The following RPS6KA6 variants were observed in gnomAD, a reference collection of about 807,000 sequenced individuals.
RPS6KA6 encodes ribosomal protein S6 kinase alpha-6.
A neutral mutation model predicts 65.4 loss-of-function variants in RPS6KA6; 27 were observed. That is an observed-to-expected ratio of 0.41 (90% confidence interval 0.30 to 0.57). The LOEUF is 0.57. RPS6KA6 is among the 20% of genes least tolerant of loss of function. The probability of loss-of-function intolerance (pLI) is 0.24; values close to 1 mark genes in which losing one functional copy is unlikely to be tolerated. For missense variants in RPS6KA6, 486 were observed against 555.6 expected, an observed-to-expected ratio of 0.87 and a Z score of 1.26; for synonymous variants, 190 against 184.2, an observed-to-expected ratio of 1.03 and a Z score of -0.26.
rs746652503 is a variant in RPS6KA6, at chrX:84,187,867, C to T, written c.33G>A (p.Trp11Ter). 2.5e-6 allele frequency: 3 copies of T among 1,203,351 alleles called. No individual in the cohort carries two copies. Among genetic ancestry groups the T allele is most frequent in the African/African-American group, 3.5e-5 (2 of 56,901 alleles). ...CGCTGAACACTTCCATTTCTCGGTC[C>T]CAGGGCTCGTCCTGAGGAGCGAATG... is the stretch of plus-strand genomic sequence containing the variant. The part of the protein sequence containing the change: MLPFAPQDEP[W>*]DREMEVFSGG... Residue 11 changes from tryptophan (W) to a stop codon, truncating the protein, a stop_gained, in exon 1 of 22, where the codon TGG becomes TGA. Coordinates refer to ENST00000262752, the MANE Select transcript of RPS6KA6 (RefSeq NM_014496.5). LOFTEE classifies it high-confidence loss of function.
At chrX:84,065,833 A>G (rs2033390032) in intron 20 of RPS6KA6, among the ~76,000 whole-genome samples, 1 of 112,099 alleles carries the variant, frequency 8.9e-6, no homozygotes, top group Admixed American at 9.4e-5. Flanking sequence ...ATCTGGCAAG[A>G]TGGCCGAATA....
At chrX:84,114,836 T>A (rs1246062245) in intron 12 of RPS6KA6, among the ~76,000 whole-genome samples, 1 of 111,637 alleles carries the variant, frequency 9.0e-6, no homozygotes, top group African/African-American at 3.3e-5. Context: ...TTCTACAAAA[T>A]CTACAACAAT....
intron 20 of RPS6KA6, among the ~76,000 whole-genome samples, chrX:84,090,263 G>GA (rs1353187692): frequency 1.8e-5 from 2 of 111,684 alleles, no homozygotes; most frequent in Admixed American, 9.5e-5. Context: ...TTATCTTTCA[G>GA]AAAAAACAAG....
At chrX:84,067,863 A>G (rs758103497) in intron 20 of RPS6KA6, among the ~76,000 whole-genome samples, 3 of 111,897 alleles carry the variant, frequency 2.7e-5, no homozygotes, top group Admixed American at 9.5e-5. Flanking sequence ...AAGGGCAGCC[A>G]GAGAGAAAGG....
At chrX:84,183,407 T>C (rs1407297280) in intron 1 of RPS6KA6, among the ~76,000 whole-genome samples, 1 of 111,542 alleles carries the variant, frequency 9.0e-6, no homozygotes, top group Non-Finnish European at 1.9e-5. Context: ...CTAGCTGGAA[T>C]TCCCCACCTT....
rs1331948831 is a variant in RPS6KA6 at position 84,116,969 on chromosome X, T to C, written c.949+91A>G. 1.2e-5 allele frequency: 7 copies of C among 565,489 alleles called. No individual in the cohort carries two copies. In the South Asian group the frequency reaches 2.7e-4, roughly 22 times the overall value. The allele number at this position is 565,489 out of a possible 1,213,427, so 46.6% of individuals were successfully genotyped here. The stretch of plus-strand genomic sequence containing the variant: ...TGAAAAATTCTACGTATAGAAGTAA[T>C]GTGCTCAAATCAAACAAGAAAACAT... On this transcript the variant is annotated intron_variant, in intron 11 of 21. Transcript: ENST00000262752.
At chrX:84,169,294 G>A (rs1307196482) in intron 1 of RPS6KA6, among the ~76,000 whole-genome samples, 1 of 111,000 alleles carries the variant, frequency 9.0e-6, no homozygotes, top group African/African-American at 3.3e-5. Flanking sequence ...ACAAATATGC[G>A]GGACAAACAG....
intron 20 of RPS6KA6, among the ~76,000 whole-genome samples, chrX:84,077,191 C>T (rs934288027): frequency 9.0e-5 from 10 of 111,079 alleles, no homozygotes; most frequent in African/African-American, 3.3e-4. Flanking sequence ...GCTCCATCAC[C>T]ATCTCATTCA....
intron 1 of RPS6KA6, among the ~76,000 whole-genome samples, chrX:84,165,601 G>A (rs1032435086): frequency 1.8e-5 from 2 of 110,884 alleles, no homozygotes; most frequent in East Asian, 2.8e-4. Context: ...AGGAAAAGAC[G>A]CACTTTTGAG....
intron 9 of RPS6KA6, among the ~76,000 whole-genome samples, chrX:84,119,576 C>T (rs147867654): frequency 0.011 from 1,185 of 111,437 alleles, 18 homozygotes; most frequent in African/African-American, 0.034. Context: ...AATTAAAATA[C>T]CATGTAACTG....
intron 10 of RPS6KA6, 85 bp from the exon 11 acceptor site, chrX:84,117,233 C>A: frequency 1.3e-6 from 1 of 779,881 alleles, no homozygotes; most frequent in Non-Finnish European, 1.9e-6. Flanking sequence ...TTTAAAAGTG[C>A]TTTTACAAGG....
chrX:84,170,969 C>T (rs940955831), intron 1 of RPS6KA6, among the ~76,000 whole-genome samples: 6 of 111,344 alleles, frequency 5.4e-5, no homozygotes, highest in African/African-American at 2.0e-4. Context: ...GTCCCCATAA[C>T]GAGGGACTGT....
intron 20 of RPS6KA6, among the ~76,000 whole-genome samples, chrX:84,071,384 G>T (rs1007194805): frequency 9.0e-6 from 1 of 111,307 alleles, no homozygotes; most frequent in African/African-American, 3.3e-5. Flanking sequence ...CATAATTGAT[G>T]AAGTATATTA....
chrX:84,176,112 T>C (rs777234584), intron 1 of RPS6KA6, among the ~76,000 whole-genome samples: 12 of 111,935 alleles, frequency 1.1e-4, no homozygotes, highest in South Asian at 3.7e-4. Flanking sequence ...TCCAGAACAT[T>C]TGAGTTTTTA....
chrX:84,126,746 CAG>C (rs894029306), intron 8 of RPS6KA6, among the ~76,000 whole-genome samples: 12 of 110,506 alleles, frequency 1.1e-4, no homozygotes, highest in African/African-American at 3.6e-4. Context: ...CCTGAATGAC[CAG>C]AGAGTCAATA....
chrX:84,169,490 T>C (rs914761514), intron 1 of RPS6KA6, among the ~76,000 whole-genome samples: 5 of 110,990 alleles, frequency 4.5e-5, no homozygotes, highest in African/African-American at 1.6e-4. Context: ...AGTGAACATA[T>C]GAATACAAAT....
chrX:84,145,558 CTAAT>C lies in RPS6KA6; in HGVS notation c.422-5_422-2del, dbSNP rs775198985. ...TACAGTTTCCCTTCAGTCTGAAAGG[CTAAT>C]TAAAAATTAGAATATAGTAACAGGA... On this transcript the variant is annotated splice_acceptor_variant and splice_polypyrimidine_tract_variant and intron_variant, in intron 5 of 21. Transcript: ENST00000262752. LOFTEE classifies it high-confidence loss of function. The C allele has an allele frequency of 2.8e-6, 3 of 1,072,440 alleles. No individual in the cohort carries two copies. The highest frequency in any genetic ancestry group is 2.2e-5 in the South Asian group (1 of 44,654). The allele number at this position is 1,072,440 out of a possible 1,213,427, so 88.4% of individuals were successfully genotyped here.
chrX:84,172,493 T>C (rs1322422293), intron 1 of RPS6KA6, among the ~76,000 whole-genome samples: 1 of 112,015 alleles, frequency 8.9e-6, no homozygotes, highest in Admixed American at 9.5e-5. Context: ...GTGGAGAAAT[T>C]GGAACCTCTG....
intron 9 of RPS6KA6, 43 bp downstream of exon 9, chrX:84,119,842 T>C: frequency 9.6e-7 from 1 of 1,045,609 alleles, no homozygotes; most frequent in Non-Finnish European, 1.3e-6. Flanking sequence ...ATAAGTAATA[T>C]CAATCACAGG....
Sources: gnomAD v4.1 joint callset for allele counts (sites outside exome capture counted in the v4.1 genomes callset) on GRCh38, gnomAD v4.1.1 for gene constraint, MANE v1.5 for transcripts, NCBI Gene and HGNC (gene_info 2026-07-23, HGNC 2026-07-21) for gene names.